GUCY1A2: variants seen among roughly 807,000 people sequenced by gnomAD.
GUCY1A2 encodes guanylate cyclase 1 soluble subunit alpha 2, also known as guanylate cyclase soluble subunit alpha-2.
GUCY1A2 carries 27 observed loss-of-function variants against 63.5 expected under a neutral mutation model. The ratio of observed to expected loss-of-function variants is 0.43; its 90% CI spans 0.31 to 0.59. The LOEUF (loss-of-function observed/expected upper bound fraction) is 0.59, where lower values mean the gene tolerates loss of function less well. GUCY1A2 is among the 20% of genes least tolerant of loss of function. The probability of loss-of-function intolerance (pLI) is 0.11; values close to 1 mark genes in which losing one functional copy is unlikely to be tolerated. For missense variants in GUCY1A2, 768 were observed against 913.3 expected (o/e 0.84, Z 2.05); for synonymous variants, 364 against 343.5 (o/e 1.06, Z -0.66).
intron 3 of GUCY1A2, among the ~76,000 whole-genome samples, chr11:106,969,570 C>CAA (rs35401717): frequency 4.7e-5 from 7 of 149,410 alleles, no homozygotes; most frequent in South Asian, 2.1e-4. Flanking sequence ...GAAATAAAGA[C>CAA]AAAAAAAAAC....
Position 106,683,062 on chromosome 11 carries a change from T to C in GUCY1A2, c.*4487A>G, listed in dbSNP as rs1013349369. The stretch of plus-strand genomic sequence containing the variant: ...TTTTGTTCAATCACATGAACACAAT[T>C]TATGTGTATGTTAAACCAGCTGGTT... On this transcript the variant is annotated 3_prime_UTR_variant, in exon 8 of 8. Coordinates refer to ENST00000526355, the MANE Select transcript of GUCY1A2 (RefSeq NM_000855.3). 2 of 218,178 alleles carry C rather than the reference T, an allele frequency of 9.2e-6. No individual in the cohort carries two copies. Among genetic ancestry groups the C allele is most frequent in the Non-Finnish European group, 1.8e-5 (2 of 108,410 alleles). The allele number at this position is 218,178 out of a possible 1,614,324, so 13.5% of individuals were successfully genotyped here.
intron 5 of GUCY1A2, among the ~76,000 whole-genome samples, chr11:106,801,704 A>G (rs983563270): frequency 2.6e-5 from 4 of 152,154 alleles, no homozygotes; most frequent in Non-Finnish European, 5.9e-5. Context: ...TTAATTGTAC[A>G]TTTTAAAAGG....
intron 4 of GUCY1A2, among the ~76,000 whole-genome samples, chr11:106,904,958 G>T (rs1860184344): frequency 6.6e-6 from 1 of 152,052 alleles, no homozygotes; most frequent in African/African-American, 2.4e-5. Context: ...CATTACAGAA[G>T]TCTAACTCAC....
At chr11:106,771,060 TTAAACTAAGTACAGAA>T (rs1864246830) in intron 6 of GUCY1A2, among the ~76,000 whole-genome samples, 1 of 152,032 alleles carries the variant, frequency 6.6e-6, no homozygotes, top group African/African-American at 2.4e-5. Context: ...AAAATAGTTT[TTAAACTAAGTACAGAA>T]TTAAAAGACA....
At position 106,932,578 on chromosome 11, in the gene GUCY1A2, T is replaced by C. The variant is rs143915045; in HGVS notation, c.1206+6882A>G. ...ATCTACAGATTCAATGCTATTCCTA[T>C]CAAGATACCATCATTATTTTTCACA... On this transcript the variant is annotated intron_variant, in intron 4 of 7. Coordinates refer to ENST00000526355, the MANE Select transcript of GUCY1A2 (RefSeq NM_000855.3). Among the ~76,000 whole-genome samples, 491 of 152,192 alleles carry C rather than the reference T, an allele frequency of 3.2e-3. 1 individual carries two copies. Among genetic ancestry groups the C allele is most frequent in the Non-Finnish European group, 6.1e-3 (414 of 68,000 alleles).
chr11:106,987,704 C>G (rs1042417330), intron 1 of GUCY1A2, among the ~76,000 whole-genome samples: 1 of 151,382 alleles, frequency 6.6e-6, no homozygotes, highest in African/African-American at 2.4e-5. Flanking sequence ...TCACTTAGAC[C>G]CACTCCATGT....
chr11:106,784,455 G>A (rs1205193930), intron 5 of GUCY1A2, among the ~76,000 whole-genome samples: 2 of 152,044 alleles, frequency 1.3e-5, no homozygotes, highest in African/African-American at 2.4e-5. Flanking sequence ...CTCTAGAGGA[G>A]GGAGTGCCCC....
At chr11:106,825,818 G>C (rs2135433244) in intron 4 of GUCY1A2, among the ~76,000 whole-genome samples, 1 of 152,242 alleles carries the variant, frequency 6.6e-6, no homozygotes, top group African/African-American at 2.4e-5. Flanking sequence ...AATTTGTGTT[G>C]GGCTGCATTC....
chr11:106,750,070 C>G (rs897489372), intron 6 of GUCY1A2, among the ~76,000 whole-genome samples: 2 of 152,058 alleles, frequency 1.3e-5, no homozygotes, highest in East Asian at 1.9e-4. Flanking sequence ...TGGAAAGACT[C>G]AAAACCAGAA....
intron 4 of GUCY1A2, among the ~76,000 whole-genome samples, chr11:106,863,360 T>C (rs546205551): frequency 2.3e-4 from 35 of 152,282 alleles, no homozygotes; most frequent in African/African-American, 8.4e-4. Context: ...TGCATATAAC[T>C]AGCCAGTTTA....
chr11:106,915,476 A>G (rs915008864), intron 4 of GUCY1A2, among the ~76,000 whole-genome samples: 7 of 152,130 alleles, frequency 4.6e-5, no homozygotes, highest in African/African-American at 1.4e-4. Flanking sequence ...AAAAAACGAC[A>G]ACACATGTAA....
chr11:106,956,853 C>T (rs975460586), intron 3 of GUCY1A2, among the ~76,000 whole-genome samples: 5 of 152,192 alleles, frequency 3.3e-5, no homozygotes, highest in African/African-American at 1.2e-4. Context: ...CTCATCTGAG[C>T]TGCCTGGATT....
intron 4 of GUCY1A2, among the ~76,000 whole-genome samples, chr11:106,842,119 T>A (rs970585503): frequency 6.6e-6 from 1 of 151,898 alleles, no homozygotes; most frequent in African/African-American, 2.4e-5. Flanking sequence ...TCTCTGCTGA[T>A]CTGTGATTTG....
intron 5 of GUCY1A2, among the ~76,000 whole-genome samples, chr11:106,795,553 C>A (rs966879850): frequency 6.6e-6 from 1 of 152,160 alleles, no homozygotes; most frequent in African/African-American, 2.4e-5. Flanking sequence ...CATGTGCATG[C>A]CCTCCATCCC....
chr11:106,687,854 T>C, intron 7 of GUCY1A2, 98 bp from the exon 8 acceptor site: 7 of 754,890 alleles, frequency 9.3e-6, no homozygotes, highest in Non-Finnish European at 1.6e-5. Flanking sequence ...TCTCTGACTG[T>C]TCATGGTAAT....
At chr11:106,841,244 G>A (rs957664407) in intron 4 of GUCY1A2, among the ~76,000 whole-genome samples, 11 of 151,726 alleles carry the variant, frequency 7.2e-5, no homozygotes, top group African/African-American at 1.9e-4. Flanking sequence ...TCTATGACCT[G>A]AATAACTTCC....
At position 106,754,280 on chromosome 11, in the gene GUCY1A2, G is replaced by A. The variant is rs558928622; in HGVS notation, c.1836+22159C>T. Among the ~76,000 whole-genome samples the A allele has an allele frequency of 1.2e-4, 18 of 152,202 alleles. No individual in the cohort carries two copies. The East Asian group carries it at 2.9e-3, about 25-fold the overall frequency. ...GCTGAGATGATGGGGTTTTCTAAATGTACAATCATGTCATCTGCAAACAGA... is the reference window on the plus strand; with the variant it reads ...GCTGAGATGATGGGGTTTTCTAAATATACAATCATGTCATCTGCAAACAGA... On this transcript the variant is annotated intron_variant, in intron 6 of 7. Transcript: ENST00000526355.
At chr11:106,753,754 G>A (rs1305533687) in intron 6 of GUCY1A2, among the ~76,000 whole-genome samples, 3 of 152,152 alleles carry the variant, frequency 2.0e-5, no homozygotes, top group Admixed American at 1.3e-4. Context: ...TTTGGTTACT[G>A]TAGCCTTGTA....
At chr11:106,946,804 CTT>C (rs1860835377) in intron 3 of GUCY1A2, among the ~76,000 whole-genome samples, 1 of 152,120 alleles carries the variant, frequency 6.6e-6, no homozygotes, top group Non-Finnish European at 1.5e-5. Flanking sequence ...GGTTGCAAAA[CTT>C]TGTGAATATA....
Sources: gnomAD v4.1 joint callset for allele counts (sites outside exome capture counted in the v4.1 genomes callset) on GRCh38, gnomAD v4.1.1 for gene constraint, MANE v1.5 for transcripts, NCBI Gene and HGNC (gene_info 2026-07-23, HGNC 2026-07-21) for gene names.